The following RAPGEF6 variants were observed in gnomAD, a reference collection of about 807,000 sequenced individuals.
RAPGEF6 encodes the protein Rap guanine nucleotide exchange factor 6, also known as PDZ domain containing guanine nucleotide exchange factor (GEF) 2.
RAPGEF6 carries 56 observed loss-of-function variants against 171.4 expected under a neutral mutation model. That is an observed-to-expected ratio of 0.33 (90% CI 0.26 to 0.41). The LOEUF is 0.41. Among genes scored for constraint, RAPGEF6 ranks in the 10% least tolerant of loss-of-function variants. The pLI is 1.00. For missense variants in RAPGEF6, 1,674 were observed against 1,921.4 expected (o/e 0.87, Z 2.41); for synonymous variants, 692 against 650.1 (o/e 1.06, Z -0.98).
intron 15 of RAPGEF6, among the ~76,000 whole-genome samples, chr5:131,481,822 C>G (rs926855886): frequency 1.3e-5 from 2 of 152,204 alleles, no homozygotes; most frequent in Admixed American, 6.5e-5. Flanking sequence ...GCTGTGGAAG[C>G]AAACACTCAG....
intron 4 of RAPGEF6, among the ~76,000 whole-genome samples, chr5:131,591,416 G>C (rs1014232953): frequency 5.3e-5 from 8 of 152,120 alleles, no homozygotes; most frequent in Non-Finnish European, 5.9e-5. Context: ...ACTGTTCTAA[G>C]AGCTTTATGT....
chr5:131,472,434 G>T, intron 17 of RAPGEF6, 153 bp downstream of exon 17: 1 of 868,520 alleles, frequency 1.2e-6, no homozygotes, highest in Non-Finnish European at 1.9e-6. Context: ...CAAATTAACA[G>T]AACAAGTCAA....
chr5:131,472,313 C>T (rs1384537137), intron 17 of RAPGEF6: 19 of 406,224 alleles, frequency 4.7e-5, no homozygotes, highest in Non-Finnish European at 8.4e-5. Flanking sequence ...CCTCATGATC[C>T]GCCCGCCTCG....
At chr5:131,609,305 G>C (rs2150021946) in intron 1 of RAPGEF6, among the ~76,000 whole-genome samples, 1 of 152,258 alleles carries the variant, frequency 6.6e-6, no homozygotes, top group East Asian at 1.9e-4. Flanking sequence ...GAAAATATAT[G>C]TAAATTCCAG....
intron 3 of RAPGEF6, among the ~76,000 whole-genome samples, chr5:131,599,405 C>T (rs1425272815): frequency 2.0e-5 from 3 of 152,074 alleles, no homozygotes; most frequent in African/African-American, 7.2e-5. Context: ...GCAGTACTTG[C>T]ATGAACACAG....
intron 22 of RAPGEF6, among the ~76,000 whole-genome samples, chr5:131,443,070 G>A (rs1371416775): frequency 1.3e-5 from 2 of 151,814 alleles, no homozygotes; most frequent in African/African-American, 4.8e-5. Flanking sequence ...TCAGCCTCCC[G>A]AGTAGCTGGG....
intron 23 of RAPGEF6, chr5:131,440,071 C>G (rs1752278282): frequency 3.1e-5 from 12 of 385,276 alleles, no homozygotes; most frequent in South Asian, 2.0e-4. Flanking sequence ...CTTCCCTCCC[C>G]TCTAGAGGTG....
At position 131,516,258 on chromosome 5, in the gene RAPGEF6, ATT is replaced by A. The variant is rs559587200; in HGVS notation, c.627+5130_627+5131del. The stretch of plus-strand genomic sequence containing the variant: ...ACCGCACGTGGCTACTTTTTTTTGT[ATT>A]TTTAGTAGAGATGGGGTTTTGCTAT... On this transcript the variant is annotated intron_variant, in intron 7 of 27. Coordinates refer to ENST00000509018, the MANE Select transcript of RAPGEF6 (RefSeq NM_016340.6). 1.3e-4 allele frequency among the ~76,000 whole-genome samples: 19 copies of A among 151,298 alleles called. No individual in the cohort carries two copies. The East Asian group carries it at 3.7e-3, about 29-fold the overall frequency.
At chr5:131,587,502 T>C (rs1233444097) in intron 4 of RAPGEF6, among the ~76,000 whole-genome samples, 3 of 152,052 alleles carry the variant, frequency 2.0e-5, no homozygotes, top group Admixed American at 2.0e-4. Context: ...AAACATTCAA[T>C]GTATAGTAAC....
Position 131,426,748 on chromosome 5 carries a change from A to C in RAPGEF6, c.*518T>G. 1.2e-5 allele frequency: 2 copies of C among 171,774 alleles called. No homozygotes were observed. The highest frequency in any genetic ancestry group is 2.4e-5 in the Non-Finnish European group (2 of 81,642). The allele number at this position is 171,774 out of a possible 1,614,324, so 10.6% of individuals were successfully genotyped here. On this transcript the variant is annotated 3_prime_UTR_variant, in exon 28 of 28. Transcript: ENST00000509018. Reference sequence around the variant, plus strand: ...ACTTCTGTTTGGTCAGACCAGAGACAATTTTATGACCTCAAACATGAATAT... The same window carrying C: ...ACTTCTGTTTGGTCAGACCAGAGACCATTTTATGACCTCAAACATGAATAT...
intron 6 of RAPGEF6, among the ~76,000 whole-genome samples, chr5:131,539,022 A>G (rs1190744980): frequency 1.3e-5 from 2 of 152,232 alleles, no homozygotes; most frequent in African/African-American, 4.8e-5. Flanking sequence ...AATCACAAAG[A>G]ATATACACCT....
intron 20 of RAPGEF6, among the ~76,000 whole-genome samples, chr5:131,453,492 G>A (rs1334498051): frequency 6.6e-6 from 1 of 152,118 alleles, no homozygotes. Flanking sequence ...TTGGAAGGCC[G>A]AGGCAGGAGG....
At chr5:131,608,882 C>T (rs1447223047) in intron 1 of RAPGEF6, among the ~76,000 whole-genome samples, 3 of 152,146 alleles carry the variant, frequency 2.0e-5, no homozygotes, top group African/African-American at 4.8e-5. Flanking sequence ...GCAATCGTCC[C>T]ACCTCAGATT....
chr5:131,537,799 A>G (rs1001471735), intron 6 of RAPGEF6, among the ~76,000 whole-genome samples: 1 of 152,232 alleles, frequency 6.6e-6, no homozygotes, highest in East Asian at 1.9e-4. Flanking sequence ...CCCATTAAAA[A>G]TAACAGTAGA....
At chr5:131,503,584 C>T (rs569120194) in intron 11 of RAPGEF6, among the ~76,000 whole-genome samples, 4 of 152,324 alleles carry the variant, frequency 2.6e-5, no homozygotes, top group East Asian at 3.9e-4. Flanking sequence ...TCTGATTTAA[C>T]TCCCTCATAT....
Position 131,635,155 on chromosome 5 carries a change from C to G in RAPGEF6, c.-125G>C. 1 of 1,004,478 alleles carries G rather than the reference C, an allele frequency of 1.0e-6. No homozygotes were observed. The highest frequency in any genetic ancestry group is 1.4e-6 in the Non-Finnish European group (1 of 706,234). 62.2% of individuals were successfully genotyped at this position (1,004,478 alleles called of 1,614,324 possible). A position where few individuals can be genotyped will look rare whatever the true frequency, so the allele number is the denominator to read the frequency against. On this transcript the variant is annotated 5_prime_UTR_variant, in exon 1 of 28. Transcript: ENST00000509018. ...GGGAACTTCGCGCCGTAACAAGGTCCGAACTCTAGCAAACAACCCTTCGCA... is the reference window on the plus strand; with the variant it reads ...GGGAACTTCGCGCCGTAACAAGGTCGGAACTCTAGCAAACAACCCTTCGCA...
At chr5:131,571,264 ATTG>A (rs1368276040) in intron 4 of RAPGEF6, among the ~76,000 whole-genome samples, 19 of 152,050 alleles carry the variant, frequency 1.2e-4, no homozygotes, top group Admixed American at 6.6e-5. Context: ...TTATTAATAG[ATTG>A]ACAACAAGGA....
intron 11 of RAPGEF6, among the ~76,000 whole-genome samples, chr5:131,502,704 T>C (rs1757104498): frequency 1.3e-5 from 2 of 152,230 alleles, no homozygotes; most frequent in Non-Finnish European, 2.9e-5. Flanking sequence ...GACAACTAAA[T>C]GCAACTGTGT....
intron 9 of RAPGEF6, among the ~76,000 whole-genome samples, chr5:131,507,179 TATATA>T (rs1270451566): frequency 3.8e-5 from 2 of 52,710 alleles, no homozygotes; most frequent in Non-Finnish European, 8.7e-5. Flanking sequence ...TATTATATAT[TATATA>T]TATAGTATGA....
Sources: allele counts gnomAD v4.1 joint callset (sites outside exome capture counted in the v4.1 genomes callset), GRCh38; gene constraint gnomAD v4.1.1; transcripts MANE v1.5; gene names NCBI Gene and HGNC (gene_info 2026-07-23, HGNC 2026-07-21).